Variants in STRBP observed in about 807,000 individuals in gnomAD.
STRBP encodes spermatid perinuclear RNA-binding protein.
In STRBP, 13 loss-of-function variants were observed where a neutral mutation model predicts 80.1. That is an observed-to-expected ratio of 0.16 (90% CI 0.11 to 0.26). The LOEUF is 0.26. Among genes scored for constraint, STRBP ranks in the 10% least tolerant of loss-of-function variants. The pLI is 1.00. For synonymous variants in STRBP, 284 were observed against 291.2 expected (o/e 0.98, Z 0.25); for missense variants, 485 against 815.2 (o/e 0.59, Z 4.93).
chr9:123,253,657 T>C (rs981893822), intron 1 of STRBP, among the ~76,000 whole-genome samples: 5 of 152,360 alleles, frequency 3.3e-5, no homozygotes, highest in East Asian at 1.9e-4. Context: ...AACAATAATA[T>C]GCACAACGCA....
chr9:123,215,501 A>G (rs59139564), intron 2 of STRBP, among the ~76,000 whole-genome samples: 2,685 of 152,334 alleles, frequency 0.018, 89 homozygotes, highest in African/African-American at 0.061. Flanking sequence ...CAAATTATAA[A>G]AATTCAATAA....
At chr9:123,175,078 C>G (rs1588044897) in intron 4 of STRBP, among the ~76,000 whole-genome samples, 1 of 152,168 alleles carries the variant, frequency 6.6e-6, no homozygotes. Context: ...CACATATTCT[C>G]ATTTAAATCT....
intron 2 of STRBP, among the ~76,000 whole-genome samples, chr9:123,192,000 C>T (rs2038942540): frequency 6.6e-6 from 1 of 152,128 alleles, no homozygotes; most frequent in South Asian, 2.1e-4. Flanking sequence ...AGGTAAAAGC[C>T]ACAGCATTTC....
chr9:123,135,955 G>T (rs1229226339), intron 16 of STRBP, 86 bp downstream of exon 16: 6 of 1,538,016 alleles, frequency 3.9e-6, no homozygotes, highest in Non-Finnish European at 5.3e-6. Flanking sequence ...TTCAGAAAAA[G>T]CTAAAGTGCC....
intron 3 of STRBP, chr9:123,111,427 G>A (rs906276549): frequency 6.5e-6 from 2 of 308,902 alleles, no homozygotes; most frequent in African/African-American, 4.6e-5. Flanking sequence ...AAAAGAAAAA[G>A]AGTCTGACTC....
At position 123,121,794 on chromosome 9, in the gene STRBP, A is replaced by G. The variant is rs1244657977; in HGVS notation, c.*3803T>C. ...TACACATACAGATCCTACCAGCACT[A>G]TTACCAACCTTGCTGCTTAGGAAAT... On this transcript the variant is annotated 3_prime_UTR_variant, in exon 19 of 19. Transcript: ENST00000348403. The G allele has an allele frequency of 2.0e-5, 3 of 152,536 alleles. No individual in the cohort carries two copies. Among genetic ancestry groups the G allele is most frequent in the African/African-American group, 7.2e-5 (3 of 41,404 alleles). 9.4% of individuals were successfully genotyped at this position (152,536 alleles called of 1,614,324 possible). A position where few individuals can be genotyped will look rare whatever the true frequency, so the allele number is the denominator to read the frequency against.
At chr9:123,161,464 T>A (rs1417772387) in intron 6 of STRBP, among the ~76,000 whole-genome samples, 4 of 152,190 alleles carry the variant, frequency 2.6e-5, no homozygotes, top group African/African-American at 9.7e-5. Flanking sequence ...ACAATTTTTT[T>A]AACAGAAGAA....
rs1157344137 is a variant in STRBP at position 123,115,745 on chromosome 9, ACCG to A, written c.*84+181_*84+183del. On this transcript the variant is annotated intron_variant and NMD_transcript_variant, in intron 3 of 3. Transcript: ENST00000471564. The surrounding 1 kb of genome is among the most constrained non-coding windows in gnomAD (Gnocchi z 5.0). ...GCATTTCCTCTTTGCCGTCCACACA[ACCG>A]GCTTCTTGCTTGAACATGCTGGTTA... 3 of 334,352 alleles carry A rather than the reference ACCG, an allele frequency of 9.0e-6. No individual in the cohort carries two copies. The highest frequency in any genetic ancestry group is 1.8e-5 in the Non-Finnish European group (3 of 170,020). 20.7% of individuals were successfully genotyped at this position (334,352 alleles called of 1,614,324 possible). A position where few individuals can be genotyped will look rare whatever the true frequency, so the allele number is the denominator to read the frequency against.
intron 9 of STRBP, among the ~76,000 whole-genome samples, chr9:123,158,698 C>T (rs1162242945): frequency 1.3e-5 from 2 of 152,040 alleles, no homozygotes; most frequent in African/African-American, 4.8e-5. Flanking sequence ...AGAAACAGCA[C>T]AATGAATCAG....
At chr9:123,194,524 T>C (rs2039030321) in intron 2 of STRBP, among the ~76,000 whole-genome samples, 4 of 152,206 alleles carry the variant, frequency 2.6e-5, no homozygotes. Context: ...AAAACCATCC[T>C]TGACCTCTTG....
At position 123,115,882 on chromosome 9, in the gene STRBP, C is replaced by A; in HGVS notation, c.*84+47G>T. 5.3e-6 allele frequency: 2 copies of A among 376,326 alleles called. No homozygotes were observed. Among genetic ancestry groups the A allele is most frequent in the Non-Finnish European group, 1.0e-5 (2 of 190,782 alleles). 23.3% of individuals were successfully genotyped at this position (376,326 alleles called of 1,614,324 possible). On this transcript the variant is annotated intron_variant and NMD_transcript_variant, in intron 3 of 3. Transcript: ENST00000471564. This position sits in a 1 kb window ranked among gnomAD's most constrained non-coding sequence, Gnocchi z 5.0. ...ACTGGCTTCCCATAATTGTCTTTCA[C>A]CCTTTGGAACCACATACAACAAATA...
intron 6 of STRBP, among the ~76,000 whole-genome samples, chr9:123,163,068 G>A (rs930492847): frequency 1.3e-5 from 2 of 152,170 alleles, no homozygotes; most frequent in African/African-American, 4.8e-5. Flanking sequence ...TGTTTTTTAA[G>A]ATGTCAATTT....
rs1332076025 is a variant in STRBP at position 123,110,229 on chromosome 9, C to T, written c.*85-476G>A. The T allele has an allele frequency of 6.6e-6, 1 of 152,460 alleles. No individual in the cohort carries two copies. The highest frequency in any genetic ancestry group is 1.5e-5 in the Non-Finnish European group (1 of 68,130). The allele number at this position is 152,460 out of a possible 1,614,324, so 9.4% of individuals were successfully genotyped here. A position where few individuals can be genotyped will look rare whatever the true frequency, so the allele number is the denominator to read the frequency against. ...CGCTGAGAAGCAAGTCCTACAGGCT[C>T]CACTCCTGCAGGACCACTACACGGC... On this transcript the variant is annotated intron_variant and NMD_transcript_variant, in intron 3 of 3. Coordinates refer to the STRBP transcript ENST00000471564. This position sits in a 1 kb window ranked among gnomAD's most constrained non-coding sequence, Gnocchi z 4.1.
intron 2 of STRBP, among the ~76,000 whole-genome samples, chr9:123,212,425 A>G (rs367603626): frequency 6.6e-6 from 1 of 152,306 alleles, no homozygotes; most frequent in African/African-American, 2.4e-5. Context: ...TAAAATTCGT[A>G]TATTTATTAG....
intron 9 of STRBP, 101 bp downstream of exon 9, chr9:123,158,995 C>T: frequency 8.0e-6 from 7 of 871,108 alleles, no homozygotes; most frequent in Admixed American, 2.2e-5. Context: ...AACTCCTATG[C>T]ATCATTTTCC....
intron 2 of STRBP, among the ~76,000 whole-genome samples, chr9:123,222,048 T>C (rs1363549610): frequency 6.6e-6 from 1 of 152,142 alleles, no homozygotes; most frequent in Non-Finnish European, 1.5e-5. Flanking sequence ...TATAATTCCT[T>C]TTACATTTAT....
intron 1 of STRBP, among the ~76,000 whole-genome samples, chr9:123,264,635 C>G (rs574375703): frequency 5.3e-5 from 8 of 152,270 alleles, no homozygotes; most frequent in African/African-American, 1.9e-4. Flanking sequence ...GAGAAGAAAC[C>G]AGCACAAAGG....
In STRBP at chr9:123,173,617, G is replaced by C. The variant is rs1391145649; in HGVS notation, c.390+60C>G. On this transcript the variant is annotated intron_variant, in intron 5 of 18. Coordinates refer to ENST00000348403, the MANE Select transcript of STRBP (RefSeq NM_018387.5). ...AATTCTGGTTAATAATTTTTTCAAA[G>C]TCACTACCTATTTCACCTTTTTACA... is the stretch of plus-strand genomic sequence containing the variant. 3 of 1,526,746 alleles carry C rather than the reference G, an allele frequency of 2.0e-6. No individual in the cohort carries two copies. In the African/African-American group the frequency reaches 4.2e-5, roughly 21 times the overall value. The allele number at this position is 1,526,746 out of a possible 1,614,324, so 94.6% of individuals were successfully genotyped here.
chr9:123,152,681 T>G (rs928928632), intron 11 of STRBP, among the ~76,000 whole-genome samples: 1 of 151,924 alleles, frequency 6.6e-6, no homozygotes, highest in African/African-American at 2.4e-5. Flanking sequence ...AATTATAAAA[T>G]TATGGAGATG....
Sources: allele counts gnomAD v4.1 joint callset (sites outside exome capture counted in the v4.1 genomes callset), GRCh38; gene constraint gnomAD v4.1.1; non-coding constraint Gnocchi (gnomAD v3.1); transcripts MANE v1.5; gene names NCBI Gene and HGNC (gene_info 2026-07-23, HGNC 2026-07-21).